The following ADCY7 variants were observed in gnomAD, a reference collection of about 807,000 sequenced individuals.
ADCY7 encodes the protein adenylate cyclase type 7.
A neutral mutation model predicts 120.6 loss-of-function variants in ADCY7; 72 were observed. The observed-to-expected ratio is 0.60, with a 90% confidence interval of 0.49 to 0.73. The LOEUF (loss-of-function observed/expected upper bound fraction) is 0.73. Among genes scored for constraint, ADCY7 ranks in the 30% least tolerant of loss-of-function variants. The probability of loss-of-function intolerance (pLI) is 0.00; values close to 1 mark genes in which losing one functional copy is unlikely to be tolerated. For missense variants in ADCY7, 1,227 were observed against 1,486.0 expected (o/e 0.83, Z 2.87); for synonymous variants, 661 against 628.0 (o/e 1.05, Z -0.78).
At chr16:50,281,715 TG>T (rs1157649541) in intron 1 of ADCY7, among the ~76,000 whole-genome samples, 1 of 152,110 alleles carries the variant, frequency 6.6e-6, no homozygotes, top group East Asian at 1.9e-4. Flanking sequence ...CACAGGGCTC[TG>T]GGGACAGAGA....
chr16:50,300,733 G>A lies in ADCY7; in HGVS notation c.1095G>A (p.Thr365=), dbSNP rs1328609186. ...CQAIKQVREA[T]GVDINMRVGI... ...GCCCCAGGCAGGTGCGGGAGGCCAC[G>A]GGCGTGGACATCAACATGCGTGTGG... Residue 365 remains threonine (T), a synonymous_variant, in exon 9 of 26, where the codon ACG becomes ACA. Coordinates refer to ENST00000673801, the MANE Select transcript of ADCY7 (RefSeq NM_001114.5). The A allele has an allele frequency of 7.1e-6, 11 of 1,551,744 alleles. No individual in the cohort carries two copies. The highest frequency in any genetic ancestry group is 4.8e-5 in the South Asian group (4 of 84,074).
intron 13 of ADCY7, 44 bp from the exon 14 acceptor site, chr16:50,305,733 C>T: frequency 5.8e-6 from 9 of 1,551,808 alleles, no homozygotes; most frequent in Non-Finnish European, 8.0e-6. Flanking sequence ...AGGGAATGGA[C>T]CCCTTCCCAG....
rs950416731 is a variant in ADCY7 at position 50,292,811 on chromosome 16, G to A, written c.673G>A (p.Glu225Lys). The A allele has an allele frequency of 6.2e-6, 10 of 1,613,374 alleles. No individual in the cohort carries two copies. Among genetic ancestry groups the A allele is most frequent in the African/African-American group, 5.3e-5 (4 of 74,904 alleles). ...CCAGATCCGCCGGAAGCTGCGCATC[G>A]AGAAGCGCCAGCAGGTGGGACCCGG... ...CIQIRRKLRIEKRQQENLLLS... is the reference protein window; with the variant it reads ...CIQIRRKLRIKKRQQENLLLS... The change falls in exon 5 of 26, where the codon GAG (glutamate) becomes AAG (lysine). Residue 225 changes from glutamate (E) to lysine (K), a missense_variant. Transcript: ENST00000673801.
chr16:50,301,259 T>TGGAGGGGCC, intron 10 of ADCY7, 45 bp downstream of exon 10: 1 of 1,546,106 alleles, frequency 6.5e-7, no homozygotes, highest in South Asian at 1.2e-5. Flanking sequence ...CCGGAGGGAC[T>TGGAGGGGCC]GGAGGGGCCC....
At chr16:50,270,039 A>T (rs1299875435) in intron 1 of ADCY7, among the ~76,000 whole-genome samples, 2 of 152,078 alleles carry the variant, frequency 1.3e-5, no homozygotes, top group African/African-American at 4.8e-5. Flanking sequence ...AAAATTACAA[A>T]TATTAGCCAG....
intron 1 of ADCY7, among the ~76,000 whole-genome samples, chr16:50,249,732 T>C (rs1471516813): frequency 6.6e-6 from 1 of 152,224 alleles, no homozygotes; most frequent in Admixed American, 6.5e-5. Context: ...ATTCTTTCTC[T>C]GGAAATGGCT....
At chr16:50,310,989 G>C (rs755597894) in intron 19 of ADCY7, 109 bp downstream of exon 19, 1 of 1,152,824 alleles carries the variant, frequency 8.7e-7, no homozygotes, top group Non-Finnish European at 1.2e-6. Context: ...GCACCTTGCA[G>C]GGCGGGGCTG....
intron 8 of ADCY7, 78 bp from the exon 9 acceptor site, chr16:50,300,637 T>A: frequency 2.0e-6 from 3 of 1,513,126 alleles, no homozygotes; most frequent in South Asian, 2.5e-5. Flanking sequence ...TGCTGCCCTG[T>A]ACCCACCCCA....
At chr16:50,311,572 A>G (rs992593260) in intron 19 of ADCY7, 121 bp from the exon 20 acceptor site, 1 of 646,290 alleles carries the variant, frequency 1.5e-6, no homozygotes, top group Middle Eastern at 2.7e-4. Context: ...CTTGTTTTCT[A>G]CCCACCCCAT....
chr16:50,281,095 C>T (rs2034232368), intron 1 of ADCY7, among the ~76,000 whole-genome samples: 5 of 152,200 alleles, frequency 3.3e-5, no homozygotes, highest in African/African-American at 1.2e-4. Flanking sequence ...CCACTCTGCA[C>T]CTGCCTCTCC....
At position 50,267,016 on chromosome 16, in the gene ADCY7, G is replaced by T. The variant is rs1307463921; in HGVS notation, c.-269+336G>T. Among the ~76,000 whole-genome samples the T allele has an allele frequency of 2.0e-5, 3 of 152,154 alleles. No homozygotes were observed. In the East Asian group the frequency reaches 5.8e-4, roughly 29 times the overall value. On this transcript the variant is annotated intron_variant, in intron 1 of 25. Transcript: ENST00000673801. ...TCAAATGTCCACACTCCTTCTCGAG[G>T]GTGTAATTTTACATTTACAAGCACA...
At position 50,308,781 on chromosome 16, in the gene ADCY7, A is replaced by G. The variant is rs1195400193; in HGVS notation, c.2050A>G (p.Ile684Val). The change falls in exon 17 of 26, where the codon ATC becomes GTC. Residue 684 changes from isoleucine (I) to valine (V), a missense_variant. By Grantham distance (29) the Ile-to-Val change is conservative. Transcript: ENST00000673801. ...CATCGGCAGCCTGCTCACTGTGGCC[A>G]TCATCAACCTGGTGGGTCCCGTGGT... Reference protein sequence around the residue: ...LTIGSLLTVAIINLPLMPFQV... With the variant: ...LTIGSLLTVAVINLPLMPFQV... 7.5e-6 allele frequency: 12 copies of G among 1,610,100 alleles called. No homozygotes were observed. The highest frequency in any genetic ancestry group is 4.4e-5 in the South Asian group (4 of 90,942).
At chr16:50,278,260 C>T (rs898681459) in intron 1 of ADCY7, among the ~76,000 whole-genome samples, 32 of 152,134 alleles carry the variant, frequency 2.1e-4, no homozygotes, top group Non-Finnish European at 7.4e-5. Context: ...AGGCTGGTCT[C>T]GAACTCCTGG....
intron 21 of ADCY7, 150 bp downstream of exon 21, chr16:50,312,341 C>T (rs1344246628): frequency 6.9e-6 from 6 of 873,028 alleles, no homozygotes; most frequent in Non-Finnish European, 1.1e-5. Context: ...TGTATGGCAT[C>T]AGCTGTGAGA....
At chr16:50,280,916 C>G (rs1399824755) in intron 1 of ADCY7, among the ~76,000 whole-genome samples, 2 of 152,190 alleles carry the variant, frequency 1.3e-5, no homozygotes, top group Non-Finnish European at 2.9e-5. Flanking sequence ...GTCCCCAAGA[C>G]TGATCAGCAG....
chr16:50,268,838 A>C (rs2033379658), intron 1 of ADCY7, among the ~76,000 whole-genome samples: 1 of 152,124 alleles, frequency 6.6e-6, no homozygotes, highest in African/African-American at 2.4e-5. Flanking sequence ...GGGGTTCGAG[A>C]CCAGCCTGGG....
intron 3 of ADCY7, among the ~76,000 whole-genome samples, chr16:50,291,202 G>A (rs922868686): frequency 3.3e-5 from 5 of 152,172 alleles, no homozygotes; most frequent in African/African-American, 1.2e-4. Flanking sequence ...TGACCAGTGG[G>A]CCTGGGTCCT....
chr16:50,257,419 T>C lies in ADCY7; in HGVS notation c.-64+11216T>C, dbSNP rs554772107. 2.6e-4 allele frequency among the ~76,000 whole-genome samples: 39 copies of C among 152,288 alleles called. No homozygotes were observed. In the South Asian group the frequency reaches 7.3e-3, roughly 28 times the overall value. ...GACCTATTGCACAGCATGGTGACTA[T>C]AGTTAATGTACATTTCAAAATTACT... On this transcript the variant is annotated intron_variant, in intron 1 of 4. Transcript: ENST00000564044.
chr16:50,289,192 GTTTT>G (rs375075741), intron 2 of ADCY7: 24 of 307,116 alleles, frequency 7.8e-5, no homozygotes, highest in Middle Eastern at 1.1e-3. Context: ...TCCTCCTTTT[GTTTT>G]TTTTTTGTTT....
Sources: gnomAD v4.1 joint callset for allele counts (sites outside exome capture counted in the v4.1 genomes callset) on GRCh38, gnomAD v4.1.1 for gene constraint, MANE v1.5 for transcripts, NCBI Gene and HGNC (gene_info 2026-07-23, HGNC 2026-07-21) for gene names.